TMEM267: variants seen among roughly 807,000 people sequenced by gnomAD.
TMEM267 encodes the protein transmembrane protein 267.
TMEM267 carries 20 observed loss-of-function variants against 19.3 expected under a neutral mutation model. That is an observed-to-expected ratio of 1.04 (90% CI 0.73 to 1.51). The LOEUF is 1.51. Ranked by LOEUF, TMEM267 falls within the 40% of genes most tolerant of loss-of-function variation. TMEM267 has a pLI of 0.00. For synonymous variants in TMEM267, 88 were observed against 90.3 expected, an observed-to-expected ratio of 0.97 and a Z score of 0.15; for missense variants, 242 against 261.9, an observed-to-expected ratio of 0.92 and a Z score of 0.52.
At chr5:43,451,327 C>T (rs959026087) in intron 2 of TMEM267, among the ~76,000 whole-genome samples, 1 of 152,104 alleles carries the variant, frequency 6.6e-6, no homozygotes, top group Non-Finnish European at 1.5e-5. Flanking sequence ...AGACAACCTA[C>T]AGGATGGGAG....
intron 1 of TMEM267, among the ~76,000 whole-genome samples, chr5:43,474,460 C>G (rs1744286628): frequency 6.6e-6 from 1 of 152,158 alleles, no homozygotes; most frequent in African/African-American, 2.4e-5. Flanking sequence ...TGAACAGACA[C>G]TTCTCAAAAG....
chr5:43,461,000 G>T (rs569464158), intron 1 of TMEM267, among the ~76,000 whole-genome samples: 26 of 152,300 alleles, frequency 1.7e-4, no homozygotes, highest in Admixed American at 1.6e-3. Flanking sequence ...GGCAGCCAAA[G>T]GTATGCTGGC....
At position 43,465,488 on chromosome 5, in the gene TMEM267, A is replaced by AT. The variant is rs1743599662; in HGVS notation, c.-74-11446dup. 3.3e-5 allele frequency among the ~76,000 whole-genome samples: 5 copies of AT among 152,246 alleles called. No homozygotes were observed. In the South Asian group the frequency reaches 1.0e-3, roughly 31 times the overall value. On this transcript the variant is annotated intron_variant, in intron 1 of 2. Coordinates refer to ENST00000397080, the MANE Select transcript of TMEM267 (RefSeq NM_022483.5). ...GTATATACCCAAAGGATTATAAATCATGCAGCTATAAAGACACATGTATGT... is the reference window on the plus strand; with the variant it reads ...GTATATACCCAAAGGATTATAAATCATTGCAGCTATAAAGACACATGTATGT...
At chr5:43,449,938 G>C (rs1276794251) in intron 2 of TMEM267, among the ~76,000 whole-genome samples, 4 of 151,188 alleles carry the variant, frequency 2.6e-5, no homozygotes, top group Non-Finnish European at 5.9e-5. Context: ...TGCTAAAAAA[G>C]AAACTGGAAA....
intron 2 of TMEM267, among the ~76,000 whole-genome samples, chr5:43,452,291 T>C (rs1192355156): frequency 6.6e-6 from 1 of 152,020 alleles, no homozygotes; most frequent in Middle Eastern, 3.2e-3. Flanking sequence ...TCGTGTCTTG[T>C]ACAGCAACAT....
At chr5:43,481,074 G>T (rs1192254089) in intron 1 of TMEM267, among the ~76,000 whole-genome samples, 1 of 149,480 alleles carries the variant, frequency 6.7e-6, no homozygotes, top group Non-Finnish European at 1.5e-5. Flanking sequence ...AAAGTGCTAG[G>T]ATTACAGGCG....
intron 1 of TMEM267, among the ~76,000 whole-genome samples, chr5:43,456,020 G>T (rs1490923895): frequency 6.6e-6 from 1 of 151,202 alleles, no homozygotes; most frequent in Non-Finnish European, 1.5e-5. Context: ...AAGAGACAAG[G>T]TCTCCCTGTC....
At chr5:43,450,307 A>C (rs1451490682) in intron 2 of TMEM267, among the ~76,000 whole-genome samples, 2 of 152,060 alleles carry the variant, frequency 1.3e-5, no homozygotes, top group Non-Finnish European at 2.9e-5. Flanking sequence ...TTTTTTTATT[A>C]ATAGAAAAAC....
Position 43,453,895 on chromosome 5 carries a change from A to C in TMEM267, c.75T>G (p.Gly25=). 1 of 1,614,080 alleles carries C rather than the reference A, an allele frequency of 6.2e-7. No individual in the cohort carries two copies. The highest frequency in any genetic ancestry group is 8.5e-7 in the Non-Finnish European group (1 of 1,179,996). ...CAGCTACGAGGCAAAATGCCCCCAG[A>C]CCAAGGCTGGAAATAAGAGATTCAG... ...CSTESLISSL[G]LGAFCLVADR... Residue 25 remains glycine (G), a synonymous_variant, in exon 2 of 3, where the codon GGT becomes GGG. Transcript: ENST00000397080.
chr5:43,446,253 G>T lies in TMEM267; in HGVS notation c.617C>A (p.Ser206Tyr). ...ATCAATACGAACTCCATGTTTTGAAGACATCATTTGTCTGGTTCCTGTTAA... is the reference window on the plus strand; with the variant it reads ...ATCAATACGAACTCCATGTTTTGAATACATCATTTGTCTGGTTCCTGTTAA... ...MYLTGTRQMM[S>Y]SKHGVRIDV Residue 206 changes from serine to tyrosine, a missense_variant, in exon 3 of 3, where the codon TCT becomes TAT. Transcript: ENST00000397080. The T allele has an allele frequency of 6.2e-7, 1 of 1,612,934 alleles. No individual in the cohort carries two copies. The highest frequency in any genetic ancestry group is 1.1e-5 in the South Asian group (1 of 91,010).
chr5:43,453,997 A>C lies in TMEM267; in HGVS notation c.-28T>G, dbSNP rs1473801680. 6.2e-7 allele frequency: 1 copy of C among 1,602,746 alleles called. No individual in the cohort carries two copies. The highest frequency in any genetic ancestry group is 8.5e-7 in the Non-Finnish European group (1 of 1,173,570). On this transcript the variant is annotated 5_prime_UTR_variant, in exon 2 of 3. Coordinates refer to ENST00000397080, the MANE Select transcript of TMEM267 (RefSeq NM_022483.5). ...CAAACAATATGTTAGTATAGACTAA[A>C]AGCCATCAGGAATGAACAGTCTATT...
rs1742206191 is a variant in TMEM267, at chr5:43,445,856, T to G, written c.*366A>C. ...TTAACTCTTTACAAATTAGTTACCCTAAAATTTGAGCTGTTTTTCATTAGG... is the reference window on the plus strand; with the variant it reads ...TTAACTCTTTACAAATTAGTTACCCGAAAATTTGAGCTGTTTTTCATTAGG... On this transcript the variant is annotated 3_prime_UTR_variant, in exon 3 of 3. Coordinates refer to ENST00000397080, the MANE Select transcript of TMEM267 (RefSeq NM_022483.5). 5 of 154,224 alleles carry G rather than the reference T, an allele frequency of 3.2e-5. No homozygotes were observed. In the South Asian group the frequency reaches 1.0e-3, roughly 31 times the overall value. The allele number at this position is 154,224 out of a possible 1,614,324, so 9.6% of individuals were successfully genotyped here. A position where few individuals can be genotyped will look rare whatever the true frequency, so the allele number is the denominator to read the frequency against.
intron 1 of TMEM267, among the ~76,000 whole-genome samples, chr5:43,470,942 G>A (rs1158867428): frequency 6.6e-6 from 1 of 150,706 alleles, no homozygotes; most frequent in African/African-American, 2.4e-5. Context: ...AAAGATCAGA[G>A]AATAAATAAA....
chr5:43,471,429 GAA>G (rs907922501), intron 1 of TMEM267, among the ~76,000 whole-genome samples: 1 of 136,394 alleles, frequency 7.3e-6, no homozygotes. Flanking sequence ...CACAGAAACA[GAA>G]AAAAAAAAAA....
chr5:43,459,709 G>A (rs1027005815), intron 1 of TMEM267, among the ~76,000 whole-genome samples: 27 of 152,042 alleles, frequency 1.8e-4, no homozygotes, highest in African/African-American at 6.5e-4. Flanking sequence ...AAATTAAGTG[G>A]TCAATAAAAG....
chr5:43,446,715 T>C (rs1206127615), intron 2 of TMEM267, among the ~76,000 whole-genome samples, 158 bp from the exon 3 acceptor site: 3 of 152,092 alleles, frequency 2.0e-5, no homozygotes, highest in African/African-American at 4.8e-5. Flanking sequence ...AAATTATATA[T>C]ATATAAAAGA....
At chr5:43,468,008 A>C (rs1743846182) in intron 1 of TMEM267, among the ~76,000 whole-genome samples, 2 of 151,930 alleles carry the variant, frequency 1.3e-5, no homozygotes, top group Non-Finnish European at 2.9e-5. Context: ...CCACATTTTG[A>C]GACGAATTAA....
At position 43,453,691 on chromosome 5, in the gene TMEM267, G is replaced by T. The variant is rs774141821; in HGVS notation, c.279C>A (p.Asp93Glu). ...ACATGGATCCAGCTAGAAAAAAGTG[G>T]TCTACATCAATAACAGAGGCTAAAA... ...AGFLASVIDV[D>E]HFFLAGSMSL... The change falls in exon 2 of 3, where the codon GAC becomes GAA. Residue 93 changes from aspartate to glutamate, a missense_variant. By Grantham distance (45) the Asp-to-Glu change is conservative. Coordinates refer to ENST00000397080, the MANE Select transcript of TMEM267 (RefSeq NM_022483.5). 13 of 1,613,840 alleles carry T rather than the reference G, an allele frequency of 8.1e-6. No homozygotes were observed. The Admixed American group carries it at 2.2e-4, about 27-fold the overall frequency.
At position 43,469,313 on chromosome 5, in the gene TMEM267, A is replaced by G. The variant is rs191890517; in HGVS notation, c.-75+14509T>C. 7.6e-3 allele frequency among the ~76,000 whole-genome samples: 1,165 copies of G among 152,326 alleles called. 4 individuals are homozygous for G. The highest frequency in any genetic ancestry group is 9.7e-3 in the Non-Finnish European group (660 of 68,020). ...GTTAAACAAAGACACACAAAAAAAG[A>G]AAACTAAAGGCCAATATCTCTGATG... On this transcript the variant is annotated intron_variant, in intron 1 of 2. Coordinates refer to ENST00000397080, the MANE Select transcript of TMEM267 (RefSeq NM_022483.5).
Sources: allele counts gnomAD v4.1 joint callset (sites outside exome capture counted in the v4.1 genomes callset), GRCh38; gene constraint gnomAD v4.1.1; transcripts MANE v1.5; gene names NCBI Gene and HGNC (gene_info 2026-07-23, HGNC 2026-07-21).